The following NPAS3 variants were observed in gnomAD, a reference collection of about 807,000 sequenced individuals.
The protein encoded by NPAS3 is neuronal PAS domain protein 3.
A neutral mutation model predicts 73.1 loss-of-function variants in NPAS3; 14 were observed. That is an observed-to-expected ratio of 0.19 (90% CI 0.13 to 0.30). The LOEUF (loss-of-function observed/expected upper bound fraction) is 0.30, where lower values mean the gene tolerates loss of function less well. Among genes scored for constraint, NPAS3 ranks in the 10% least tolerant of loss-of-function variants. The probability of loss-of-function intolerance (pLI) is 1.00; values close to 1 mark genes in which losing one functional copy is unlikely to be tolerated. For synonymous variants in NPAS3, 620 were observed against 541.5 expected (o/e 1.14, Z -2.01); for missense variants, 1,096 against 1,250.0 (o/e 0.88, Z 1.86).
At chr14:33,028,438 A>C (rs1319160595) in intron 1 of NPAS3, among the ~76,000 whole-genome samples, 2 of 152,240 alleles carry the variant, frequency 1.3e-5, no homozygotes, top group Non-Finnish European at 2.9e-5. Context: ...AAAAATAACA[A>C]GTGAGTGAAT....
At chr14:33,560,604 G>A (rs1445589098) in intron 5 of NPAS3, among the ~76,000 whole-genome samples, 1 of 152,176 alleles carries the variant, frequency 6.6e-6, no homozygotes, top group African/African-American at 2.4e-5. Flanking sequence ...TGACACAATG[G>A]CAGGAGTCAT....
At chr14:32,968,721 G>A (rs940299187) in intron 1 of NPAS3, among the ~76,000 whole-genome samples, 1 of 151,608 alleles carries the variant, frequency 6.6e-6, no homozygotes, top group Non-Finnish European at 1.5e-5. Context: ...TTCAAAGTCT[G>A]TCATGAGGTT....
intron 4 of NPAS3, among the ~76,000 whole-genome samples, chr14:33,433,738 C>T (rs2048871337): frequency 6.6e-6 from 1 of 152,214 alleles, no homozygotes; most frequent in South Asian, 2.1e-4. Context: ...ATCTTTCAGA[C>T]TTTGGAGTTA....
At chr14:33,330,095 T>C (rs895691770) in intron 3 of NPAS3, among the ~76,000 whole-genome samples, 1 of 151,890 alleles carries the variant, frequency 6.6e-6, no homozygotes, top group African/African-American at 2.4e-5. Flanking sequence ...ATGCAGAAAT[T>C]AGCCAGGTGT....
At chr14:32,959,006 C>T (rs535896099) in intron 1 of NPAS3, among the ~76,000 whole-genome samples, 131 of 152,022 alleles carry the variant, frequency 8.6e-4, no homozygotes, top group Non-Finnish European at 1.6e-3. Flanking sequence ...CTAATAATAA[C>T]GATAGCTGAT....
intron 3 of NPAS3, among the ~76,000 whole-genome samples, chr14:33,366,277 AG>A (rs1376512499): frequency 6.6e-6 from 1 of 152,076 alleles, no homozygotes; most frequent in Non-Finnish European, 1.5e-5. Flanking sequence ...TTTTAAAAAA[AG>A]AAAAAATAGG....
chr14:33,446,422 G>T (rs1021267079), intron 4 of NPAS3, among the ~76,000 whole-genome samples: 2 of 151,752 alleles, frequency 1.3e-5, no homozygotes, highest in Non-Finnish European at 1.5e-5. Context: ...TGATCCACCC[G>T]CCTCGGCCTC....
chr14:33,135,394 C>T (rs939385290), intron 2 of NPAS3, among the ~76,000 whole-genome samples: 1 of 152,094 alleles, frequency 6.6e-6, no homozygotes, highest in African/African-American at 2.4e-5. Flanking sequence ...GAACTCATCA[C>T]TACAGGTTTA....
intron 1 of NPAS3, among the ~76,000 whole-genome samples, chr14:33,035,872 C>T (rs565322865): frequency 4.1e-4 from 62 of 152,266 alleles, no homozygotes; most frequent in African/African-American, 1.5e-3. Context: ...TTGGTCATTT[C>T]CTAGTGGATG....
intron 4 of NPAS3, among the ~76,000 whole-genome samples, chr14:33,536,266 T>C (rs2054257702): frequency 6.6e-6 from 1 of 152,216 alleles, no homozygotes; most frequent in African/African-American, 2.4e-5. Context: ...TATTTGTAAT[T>C]TTTTAAATCT....
At chr14:33,475,192 C>T (rs749895871) in intron 4 of NPAS3, among the ~76,000 whole-genome samples, 5 of 151,800 alleles carry the variant, frequency 3.3e-5, no homozygotes, top group Non-Finnish European at 4.4e-5. Flanking sequence ...ATAAATAAAA[C>T]GAAAAGAGAA....
intron 4 of NPAS3, among the ~76,000 whole-genome samples, chr14:33,542,471 C>G (rs1026172352): frequency 6.6e-6 from 1 of 152,170 alleles, no homozygotes; most frequent in African/African-American, 2.4e-5. Context: ...TCAAGCTCCT[C>G]CAGGTTCAGG....
intron 4 of NPAS3, among the ~76,000 whole-genome samples, chr14:33,500,463 G>A (rs2052457904): frequency 6.6e-6 from 1 of 151,862 alleles, no homozygotes; most frequent in Non-Finnish European, 1.5e-5. Flanking sequence ...TGCTACAGAT[G>A]AATCGGGTGT....
chr14:33,062,954 G>C (rs1430437872), intron 2 of NPAS3, among the ~76,000 whole-genome samples: 1 of 152,166 alleles, frequency 6.6e-6, no homozygotes, highest in African/African-American at 2.4e-5. Context: ...ATTATGCTTT[G>C]TTCTTTGACT....
chr14:33,176,162 G>C (rs2045582178), intron 2 of NPAS3, among the ~76,000 whole-genome samples: 1 of 152,158 alleles, frequency 6.6e-6, no homozygotes, highest in Non-Finnish European at 1.5e-5. Flanking sequence ...AATTATGCCA[G>C]AGAACAACCA....
intron 7 of NPAS3, among the ~76,000 whole-genome samples, chr14:33,756,598 CTCCT>C (rs2062123091): frequency 6.6e-6 from 1 of 152,174 alleles, no homozygotes; most frequent in South Asian, 2.1e-4. Flanking sequence ...TAGCCTCCAG[CTCCT>C]TATTTACAGA....
intron 2 of NPAS3, among the ~76,000 whole-genome samples, chr14:33,197,390 A>G (rs1044578440): frequency 4.6e-5 from 7 of 152,144 alleles, no homozygotes; most frequent in African/African-American, 9.7e-5. Context: ...ATTGACTAGA[A>G]TGGTGCCATT....
At chr14:33,630,681 A>C (rs1051409513) in intron 5 of NPAS3, among the ~76,000 whole-genome samples, 1 of 152,216 alleles carries the variant, frequency 6.6e-6, no homozygotes, top group African/African-American at 2.4e-5. Context: ...CAAACATGTC[A>C]ATTAACCTAT....
At chr14:32,973,171 A>C (rs2037508400) in intron 1 of NPAS3, among the ~76,000 whole-genome samples, 1 of 152,190 alleles carries the variant, frequency 6.6e-6, no homozygotes, top group African/African-American at 2.4e-5. Context: ...AAGAAAGAGA[A>C]GACTCTACAT....
Sources: allele counts gnomAD v4.1 joint callset (sites outside exome capture counted in the v4.1 genomes callset), GRCh38; gene constraint gnomAD v4.1.1; transcripts MANE v1.5; gene names NCBI Gene and HGNC (gene_info 2026-07-23, HGNC 2026-07-21).